RBFOX1: variants seen among roughly 807,000 people sequenced by gnomAD.
RBFOX1 encodes RNA binding protein fox-1 homolog 1.
Under a neutral mutation model 57.7 loss-of-function variants are expected in RBFOX1, and 8 were observed. The observed-to-expected ratio is 0.14, with a 90% CI of 0.08 to 0.25. The LOEUF is 0.25. Ranked by LOEUF, RBFOX1 falls within the 10% of genes least tolerant of loss-of-function variation. RBFOX1 has a pLI of 1.00. For synonymous variants in RBFOX1, 326 were observed against 222.4 expected (o/e 1.47, Z -4.15); for missense variants, 611 against 548.5 (o/e 1.11, Z -1.14).
intron 4 of RBFOX1, among the ~76,000 whole-genome samples, chr16:7,208,019 G>A (rs1248325467): frequency 1.3e-5 from 2 of 152,116 alleles, no homozygotes; most frequent in Admixed American, 6.6e-5. Context: ...CACTGAAACC[G>A]GCGCATGGTA....
At chr16:7,347,668 T>C (rs9934158) in intron 4 of RBFOX1, among the ~76,000 whole-genome samples, 60,216 of 152,036 alleles carry the variant, frequency 0.4, 14,964 homozygotes, top group African/African-American at 0.71. Flanking sequence ...CTACAGAGAC[T>C]ATCAGTCTCT....
At chr16:6,404,766 C>T (rs1206251455) in intron 2 of RBFOX1, among the ~76,000 whole-genome samples, 1 of 152,128 alleles carries the variant, frequency 6.6e-6, no homozygotes, top group Non-Finnish European at 1.5e-5. Context: ...GAGAACTTCA[C>T]ATTGCTTCAA....
intron 10 of RBFOX1, among the ~76,000 whole-genome samples, chr16:7,609,910 C>G (rs145688775): frequency 6.6e-6 from 1 of 151,692 alleles, no homozygotes; most frequent in African/African-American, 2.4e-5. Context: ...CTCTGCCTCC[C>G]GGGTTCAAGT....
intron 3 of RBFOX1, among the ~76,000 whole-genome samples, chr16:5,686,487 C>T (rs1425999354): frequency 6.6e-6 from 1 of 152,152 alleles, no homozygotes; most frequent in Non-Finnish European, 1.5e-5. Flanking sequence ...TTTCCTGTGC[C>T]TCCACTGAGA....
At position 7,262,539 on chromosome 16, in the gene RBFOX1, A is replaced by G. The variant is rs984885047; in HGVS notation, c.27+210441A>G. Among the ~76,000 whole-genome samples, 6 of 152,276 alleles carry G rather than the reference A, an allele frequency of 3.9e-5. No individual in the cohort carries two copies. In the South Asian group the frequency reaches 6.2e-4, roughly 16 times the overall value. On this transcript the variant is annotated intron_variant, in intron 4 of 15. Transcript: ENST00000550418. The stretch of plus-strand genomic sequence containing the variant: ...ATGAGCCACATTTGCAGGCATGCAT[A>G]GCACCCCACTTTGTGGGGCACCCAT...
chr16:6,112,769 A>G (rs2096460280), intron 1 of RBFOX1, among the ~76,000 whole-genome samples: 1 of 152,154 alleles, frequency 6.6e-6, no homozygotes, highest in African/African-American at 2.4e-5. Context: ...TGATATAAAG[A>G]AGGGACATGT....
At chr16:7,575,149 T>C (rs1462425859) in intron 5 of RBFOX1, among the ~76,000 whole-genome samples, 1 of 152,120 alleles carries the variant, frequency 6.6e-6, no homozygotes, top group Non-Finnish European at 1.5e-5. Flanking sequence ...ATTATCCTTT[T>C]TTTGAGATGG....
intron 4 of RBFOX1, among the ~76,000 whole-genome samples, chr16:7,223,826 A>AT (rs35954368): frequency 6.4e-4 from 97 of 150,742 alleles, no homozygotes; most frequent in Admixed American, 1.1e-3. Context: ...CCAAAAGAGC[A>AT]TTTTTTTTTT....
chr16:7,655,790 G>A (rs2066160482), intron 12 of RBFOX1, among the ~76,000 whole-genome samples: 1 of 152,120 alleles, frequency 6.6e-6, no homozygotes, highest in African/African-American at 2.4e-5. Flanking sequence ...CTACTATATT[G>A]AAGAGCAAAA....
intron 2 of RBFOX1, among the ~76,000 whole-genome samples, chr16:6,639,961 C>G (rs991456879): frequency 6.6e-6 from 1 of 152,136 alleles, no homozygotes; most frequent in African/African-American, 2.4e-5. Flanking sequence ...TGTGTCAGCA[C>G]TCTGTATAGC....
chr16:5,428,801 T>C (rs780670311), intron 1 of RBFOX1, among the ~76,000 whole-genome samples: 3 of 152,162 alleles, frequency 2.0e-5, no homozygotes, highest in African/African-American at 4.8e-5. Context: ...TAATGACATA[T>C]GATTTTTTTG....
intron 2 of RBFOX1, among the ~76,000 whole-genome samples, chr16:6,494,079 A>G (rs578186430): frequency 1.1e-3 from 165 of 152,318 alleles, no homozygotes; most frequent in Non-Finnish European, 1.9e-3. Flanking sequence ...TTTTACAGAG[A>G]TAAATGTAGC....
chr16:6,148,958 G>A (rs1379420705), intron 1 of RBFOX1, among the ~76,000 whole-genome samples: 3 of 151,828 alleles, frequency 2.0e-5, no homozygotes, highest in African/African-American at 4.8e-5. Flanking sequence ...GGCTCACAAC[G>A]TAGAAGAAAA....
At chr16:6,924,452 A>T (rs2153459999) in intron 3 of RBFOX1, among the ~76,000 whole-genome samples, 1 of 152,064 alleles carries the variant, frequency 6.6e-6, no homozygotes, top group East Asian at 2.0e-4. Context: ...CACTAAGGGG[A>T]TGGCAGGCAC....
intron 3 of RBFOX1, among the ~76,000 whole-genome samples, chr16:5,760,963 T>G (rs923159077): frequency 6.6e-6 from 1 of 152,216 alleles, no homozygotes; most frequent in African/African-American, 2.4e-5. Context: ...AATTATTCAC[T>G]TTAAAATGGG....
At chr16:5,863,028 C>G (rs1042452648) in intron 3 of RBFOX1, among the ~76,000 whole-genome samples, 9 of 152,146 alleles carry the variant, frequency 5.9e-5, no homozygotes, top group Non-Finnish European at 1.2e-4. Context: ...GGCAGAATCC[C>G]TGCCTGGGTC....
intron 2 of RBFOX1, among the ~76,000 whole-genome samples, chr16:6,413,808 C>T (rs946004573): frequency 2.0e-5 from 3 of 152,190 alleles, no homozygotes; most frequent in Non-Finnish European, 4.4e-5. Context: ...TCTACACACT[C>T]ACACTAGCCC....
chr16:7,262,514 A>T (rs141103931), intron 4 of RBFOX1, among the ~76,000 whole-genome samples: 12 of 152,354 alleles, frequency 7.9e-5, no homozygotes, highest in South Asian at 4.1e-4. Context: ...TCCTACTGCA[A>T]TGAGCCACAT....
chr16:7,078,821 T>G (rs2058705597), intron 4 of RBFOX1, among the ~76,000 whole-genome samples: 1 of 148,454 alleles, frequency 6.7e-6, no homozygotes, highest in Non-Finnish European at 1.5e-5. Context: ...TAGCTGGGAT[T>G]AGAGTAATGT....
Sources: allele counts gnomAD v4.1 joint callset (sites outside exome capture counted in the v4.1 genomes callset), GRCh38; gene constraint gnomAD v4.1.1; transcripts MANE v1.5; gene names NCBI Gene and HGNC (gene_info 2026-07-23, HGNC 2026-07-21).